SULT2B1: variants seen among roughly 807,000 people sequenced by gnomAD.
The protein encoded by SULT2B1 is sulfotransferase family 2B member 1.
In SULT2B1, 16 loss-of-function variants were observed where a neutral mutation model predicts 33.2. That is an observed-to-expected ratio of 0.48 (90% CI 0.33 to 0.73). SULT2B1 has a LOEUF of 0.73. Among genes scored for constraint, SULT2B1 ranks in the 30% least tolerant of loss-of-function variants. The pLI is 0.02. For synonymous variants in SULT2B1, 186 were observed against 200.5 expected, an observed-to-expected ratio of 0.93 and a Z score of 0.61; for missense variants, 500 against 506.0, an observed-to-expected ratio of 0.99 and a Z score of 0.11.
intron 1 of SULT2B1, among the ~76,000 whole-genome samples, chr19:48,567,112 C>T (rs1973254675): frequency 6.6e-6 from 1 of 152,130 alleles, no homozygotes; most frequent in Admixed American, 6.6e-5. Flanking sequence ...TTTCCAGGTC[C>T]AGACTCATTT....
Position 48,596,854 on chromosome 19 carries a change from T to C in SULT2B1, c.761T>C (p.Met254Thr), listed in dbSNP as rs1973723201. The C allele has an allele frequency of 6.2e-7, 1 of 1,609,278 alleles. No homozygotes were observed. ...STFSAMKANT[M>T]SNYTLLPPSL... The stretch of plus-strand genomic sequence containing the variant: ...TTCAGCGCCATGAAGGCCAACACCA[T>C]GTCCAACTACACGCTGCTGCCTCCC... The change falls in exon 6 of 7, where the codon ATG becomes ACG. Residue 254 changes from methionine to threonine, a missense_variant. Physicochemically the swap from Met to Thr is moderately conservative, Grantham distance 81. Coordinates refer to ENST00000201586, the MANE Select transcript of SULT2B1 (RefSeq NM_177973.2).
intron 4 of SULT2B1, 113 bp from the exon 5 acceptor site, chr19:48,592,609 T>G (rs2147626881): frequency 2.3e-6 from 2 of 874,622 alleles, no homozygotes; most frequent in East Asian, 5.3e-5. Flanking sequence ...CATCCAGCTC[T>G]GGGGGCTGGA....
chr19:48,553,760 T>C (rs1568400798), intron 1 of SULT2B1, among the ~76,000 whole-genome samples: 1 of 152,204 alleles, frequency 6.6e-6, no homozygotes, highest in Non-Finnish European at 1.5e-5. Flanking sequence ...AGCTTCCTGA[T>C]GTCTCTGGGC....
chr19:48,564,381 G>C (rs1474008734), intron 1 of SULT2B1, among the ~76,000 whole-genome samples: 1 of 149,844 alleles, frequency 6.7e-6, no homozygotes, highest in Non-Finnish European at 1.5e-5. Context: ...GTGAAACCCT[G>C]TCTCTACTAA....
At chr19:48,591,207 T>TG (rs1465493739) in intron 3 of SULT2B1, 1 of 154,834 alleles carries the variant, frequency 6.5e-6, no homozygotes. Flanking sequence ...CTCCTGTGTG[T>TG]GGGGCTCTGG....
At chr19:48,567,292 G>A (rs1973258158) in intron 1 of SULT2B1, among the ~76,000 whole-genome samples, 1 of 152,044 alleles carries the variant, frequency 6.6e-6, no homozygotes. Flanking sequence ...AACCAGGCAC[G>A]GTGGCTCACA....
At chr19:48,581,913 AT>A (rs1973496073) in intron 2 of SULT2B1, among the ~76,000 whole-genome samples, 1 of 147,034 alleles carries the variant, frequency 6.8e-6, no homozygotes, top group African/African-American at 2.5e-5. Flanking sequence ...TATTATTATT[AT>A]TATTATTAGA....
chr19:48,596,942 A>G (rs1973725366), intron 6 of SULT2B1, 23 bp downstream of exon 6: 1 of 1,557,288 alleles, frequency 6.4e-7, no homozygotes, highest in Non-Finnish European at 8.6e-7. Flanking sequence ...TGGGGTTCAG[A>G]GCCCACTAGG....
chr19:48,597,021 T>A, intron 6 of SULT2B1, 102 bp downstream of exon 6: 1 of 1,261,082 alleles, frequency 7.9e-7, no homozygotes, highest in Non-Finnish European at 1.1e-6. Flanking sequence ...CACCCAGCTG[T>A]AACATTGGGT....
chr19:48,560,869 G>T (rs375245772), intron 1 of SULT2B1, among the ~76,000 whole-genome samples: 2 of 151,974 alleles, frequency 1.3e-5, no homozygotes, highest in African/African-American at 4.8e-5. Flanking sequence ...GGCCGAGGTG[G>T]GCCTATCATT....
chr19:48,585,494 C>A (rs958846885), intron 2 of SULT2B1, among the ~76,000 whole-genome samples: 1 of 151,956 alleles, frequency 6.6e-6, no homozygotes, highest in Non-Finnish European at 1.5e-5. Context: ...ATGGTGAAAT[C>A]CCATCTCTAC....
Position 48,599,201 on chromosome 19 carries a change from G to A in SULT2B1, c.893G>A (p.Arg298His), listed in dbSNP as rs770659899. 1.2e-5 allele frequency: 20 copies of A among 1,604,854 alleles called. No homozygotes were observed. Among genetic ancestry groups the A allele is most frequent in the South Asian group, 2.2e-5 (2 of 90,032 alleles). The change falls in exon 7 of 7, where the codon CGC becomes CAC. Residue 298 changes from arginine (R) to histidine (H), a missense_variant. By Grantham distance (29) the Arg-to-His change is conservative. Transcript: ENST00000201586. This position sits in a 1 kb window ranked among gnomAD's most constrained non-coding sequence, Gnocchi z 4.1. ...AQSEAFDRAY[R>H]KQMRGMPTFP... Reference sequence around the variant, plus strand: ...AGCGAAGCCTTCGATCGTGCCTACCGCAAGCAGATGCGGGGGATGCCGACC... The same window carrying A: ...AGCGAAGCCTTCGATCGTGCCTACCACAAGCAGATGCGGGGGATGCCGACC...
chr19:48,568,670 G>A (rs938277459), intron 1 of SULT2B1, among the ~76,000 whole-genome samples: 2 of 152,172 alleles, frequency 1.3e-5, no homozygotes, highest in Admixed American at 1.3e-4. Context: ...GGAGTGAAGC[G>A]CATTGAACCC....
rs1973047336 is a variant in SULT2B1 at position 48,552,823 on chromosome 19, C to A, written c.71+500C>A. ...GGGCACTTGGGGCGGAGAGGGCAGGCTCTGGACTCTTCAGGTCTCCTAACA... is the reference window on the plus strand; with the variant it reads ...GGGCACTTGGGGCGGAGAGGGCAGGATCTGGACTCTTCAGGTCTCCTAACA... On this transcript the variant is annotated intron_variant, in intron 1 of 6. Transcript: ENST00000201586. The surrounding 1 kb of genome is among the most constrained non-coding windows in gnomAD (Gnocchi z 4.8). 6.6e-6 allele frequency among the ~76,000 whole-genome samples: 1 copy of A among 152,120 alleles called. No homozygotes were observed.
At chr19:48,562,050 A>C (rs1190112687) in intron 1 of SULT2B1, among the ~76,000 whole-genome samples, 12 of 152,148 alleles carry the variant, frequency 7.9e-5, no homozygotes, top group Admixed American at 7.9e-4. Flanking sequence ...AGGAGTTTTG[A>C]GATCAGCCTG....
In SULT2B1 at chr19:48,576,533, T is replaced by C. The variant is rs112834946; in HGVS notation, c.214+450T>C. 8.6e-3 allele frequency among the ~76,000 whole-genome samples: 1,290 copies of C among 150,650 alleles called. 20 individuals are homozygous for C. The highest frequency in any genetic ancestry group is 0.029 in the African/African-American group (1,200 of 40,844). On this transcript the variant is annotated intron_variant, in intron 2 of 6. Transcript: ENST00000201586. Reference sequence around the variant, plus strand: ...TATTTTTCGAGACAAGGTCTTGCTCTGTCACTCAGGCTGGGGTGCAGTGGT... The same window carrying C: ...TATTTTTCGAGACAAGGTCTTGCTCCGTCACTCAGGCTGGGGTGCAGTGGT...
intron 5 of SULT2B1, among the ~76,000 whole-genome samples, chr19:48,594,812 A>G (rs539907531): frequency 4.6e-5 from 7 of 152,294 alleles, no homozygotes; most frequent in African/African-American, 1.7e-4. Flanking sequence ...TGAGGTCAGG[A>G]GTTCGAGATC....
chr19:48,564,271 A>ATG (rs1292376991), intron 1 of SULT2B1, among the ~76,000 whole-genome samples: 5 of 151,286 alleles, frequency 3.3e-5, no homozygotes. Flanking sequence ...AATAAAAAAT[A>ATG]GGTCGGGTGC....
intron 2 of SULT2B1, among the ~76,000 whole-genome samples, chr19:48,578,956 C>T (rs542882694): frequency 6.6e-6 from 1 of 152,138 alleles, no homozygotes; most frequent in South Asian, 2.1e-4. Flanking sequence ...AAGCCATCAC[C>T]TCCCAATCCT....
Sources: allele counts gnomAD v4.1 joint callset (sites outside exome capture counted in the v4.1 genomes callset), GRCh38; gene constraint gnomAD v4.1.1; non-coding constraint Gnocchi (gnomAD v3.1); transcripts MANE v1.5; gene names NCBI Gene and HGNC (gene_info 2026-07-23, HGNC 2026-07-21).